The following SLC49A4 variants were observed in gnomAD, a reference collection of about 807,000 sequenced individuals.
SLC49A4 encodes disrupted in renal cancer protein 2.
In SLC49A4, 36 loss-of-function variants were observed where a neutral mutation model predicts 50.6. The ratio of observed to expected loss-of-function variants is 0.71; its 90% CI spans 0.55 to 0.94. The LOEUF is 0.94. Ranked by LOEUF, SLC49A4 falls within the 40% of genes least tolerant of loss-of-function variation. The pLI, the probability that SLC49A4 is intolerant of heterozygous loss-of-function variation, is 0.00. For synonymous variants in SLC49A4, 248 were observed against 241.2 expected (o/e 1.03, Z -0.26); for missense variants, 503 against 605.7 (o/e 0.83, Z 1.78).
chr3:122,795,177 C>T lies in SLC49A4; in HGVS notation c.-16C>T, dbSNP rs1420298106. ...CGGACTGCGCCCGGCAGTGGCTTCG[C>T]GGGCGACGCGTCGCCATGGGCTCTC... On this transcript the variant is annotated 5_prime_UTR_variant, in exon 1 of 9. Coordinates refer to ENST00000261038, the MANE Select transcript of SLC49A4 (RefSeq NM_032839.3). 4.6e-6 allele frequency: 6 copies of T among 1,314,410 alleles called. No homozygotes were observed. The highest frequency in any genetic ancestry group is 4.2e-5 in the Admixed American group (1 of 23,834). 81.4% of individuals were successfully genotyped at this position (1,314,410 alleles called of 1,614,324 possible).
chr3:122,799,828 G>A (rs1227226226), intron 1 of SLC49A4, among the ~76,000 whole-genome samples: 1 of 152,242 alleles, frequency 6.6e-6, no homozygotes, highest in Admixed American at 6.5e-5. Flanking sequence ...GAGATGTGGA[G>A]CGTGAAGGAA....
At chr3:122,813,402 A>G (rs1197552746) in intron 2 of SLC49A4, among the ~76,000 whole-genome samples, 2 of 152,106 alleles carry the variant, frequency 1.3e-5, no homozygotes, top group African/African-American at 4.8e-5. Flanking sequence ...CTTGTTCGGT[A>G]CATCATACAG....
chr3:122,857,485 A>G (rs1937003684), intron 6 of SLC49A4, among the ~76,000 whole-genome samples: 1 of 152,172 alleles, frequency 6.6e-6, no homozygotes, highest in Admixed American at 6.5e-5. Flanking sequence ...GATCAAATAT[A>G]AGATCCACAT....
At chr3:122,876,493 A>G (rs1937269980) in intron 8 of SLC49A4, among the ~76,000 whole-genome samples, 1 of 152,220 alleles carries the variant, frequency 6.6e-6, no homozygotes, top group African/African-American at 2.4e-5. Context: ...ATATCTAAGA[A>G]GCAGAATAAT....
intron 4 of SLC49A4, among the ~76,000 whole-genome samples, chr3:122,841,593 A>G (rs2107572072): frequency 6.6e-6 from 1 of 152,344 alleles, no homozygotes; most frequent in African/African-American, 2.4e-5. Flanking sequence ...TCAAATTTAG[A>G]TTTAAATTAG....
chr3:122,860,686 G>A (rs1451288144), intron 7 of SLC49A4, among the ~76,000 whole-genome samples: 7 of 152,142 alleles, frequency 4.6e-5, no homozygotes. Flanking sequence ...ATTACAGCCA[G>A]CTTACTTAGC....
At chr3:122,833,471 T>G in intron 4 of SLC49A4, 25 bp downstream of exon 4, 1 of 1,592,564 alleles carries the variant, frequency 6.3e-7, no homozygotes, top group Non-Finnish European at 8.6e-7. Flanking sequence ...AGTCACTGGA[T>G]GGCTTTGACT....
At chr3:122,857,284 TAAAAA>T (rs10694942) in intron 6 of SLC49A4, among the ~76,000 whole-genome samples, 13 of 109,382 alleles carry the variant, frequency 1.2e-4, no homozygotes, top group Non-Finnish European at 1.8e-4. Context: ...CCATTCGTTC[TAAAAA>T]AAAAAAAAAA....
intron 2 of SLC49A4, among the ~76,000 whole-genome samples, chr3:122,809,082 G>C (rs967259627): frequency 6.6e-6 from 1 of 152,164 alleles, no homozygotes; most frequent in Non-Finnish European, 1.5e-5. Context: ...ACACAGAAGT[G>C]GGGGAGAGTG....
At chr3:122,875,538 G>A (rs1303671057) in intron 8 of SLC49A4, among the ~76,000 whole-genome samples, 1 of 152,124 alleles carries the variant, frequency 6.6e-6, no homozygotes, top group Non-Finnish European at 1.5e-5. Flanking sequence ...TTTTTGTAGA[G>A]ATGGGGTTCT....
chr3:122,855,868 T>G (rs529857282), intron 5 of SLC49A4, among the ~76,000 whole-genome samples: 2 of 152,342 alleles, frequency 1.3e-5, no homozygotes, highest in South Asian at 4.1e-4. Flanking sequence ...CCAGCTCAAC[T>G]TCTTTTTCTC....
intron 1 of SLC49A4, among the ~76,000 whole-genome samples, chr3:122,803,708 G>A (rs563550278): frequency 1.2e-4 from 19 of 152,292 alleles, no homozygotes; most frequent in African/African-American, 4.3e-4. Context: ...CACTATGGGT[G>A]TGTGGGTTGT....
intron 1 of SLC49A4, among the ~76,000 whole-genome samples, chr3:122,796,897 TAAAC>T (rs1006230262): frequency 4.1e-4 from 62 of 152,092 alleles, no homozygotes; most frequent in African/African-American, 1.4e-3. Context: ...AATTAATACA[TAAAC>T]AAAATATGAA....
At chr3:122,820,996 C>T (rs1049275963) in intron 2 of SLC49A4, among the ~76,000 whole-genome samples, 2 of 152,192 alleles carry the variant, frequency 1.3e-5, no homozygotes, top group African/African-American at 2.4e-5. Context: ...GTAATTGAAT[C>T]GGGGGTGGTT....
chr3:122,795,328 C>G lies in SLC49A4; in HGVS notation c.136C>G (p.Arg46Gly). ...ALPAAVPGPG[R>G]VYGRRWLVLL... Reference sequence around the variant, plus strand: ...GCCCGCGGCGGTCCCGGGTCCCGGGCGGGTATACGGGCGCCGCTGGCTGGT... The same window carrying G: ...GCCCGCGGCGGTCCCGGGTCCCGGGGGGGTATACGGGCGCCGCTGGCTGGT... The change falls in exon 1 of 9, where the codon CGG becomes GGG. Residue 46 changes from arginine to glycine, a missense_variant. Coordinates refer to ENST00000261038, the MANE Select transcript of SLC49A4 (RefSeq NM_032839.3). 1 of 1,518,018 alleles carries G rather than the reference C, an allele frequency of 6.6e-7. No homozygotes were observed. Among genetic ancestry groups the G allele is most frequent in the East Asian group, 2.7e-5 (1 of 37,396 alleles). 94.0% of individuals were successfully genotyped at this position (1,518,018 alleles called of 1,614,324 possible). A position where few individuals can be genotyped will look rare whatever the true frequency, so the allele number is the denominator to read the frequency against.
At chr3:122,859,810 T>C (rs1222168356) in intron 6 of SLC49A4, among the ~76,000 whole-genome samples, 1 of 152,176 alleles carries the variant, frequency 6.6e-6, no homozygotes, top group East Asian at 1.9e-4. Context: ...GGTGAGATCC[T>C]GTCTCTAAAA....
intron 2 of SLC49A4, among the ~76,000 whole-genome samples, chr3:122,816,751 G>GA: frequency 6.6e-6 from 1 of 152,280 alleles, no homozygotes; most frequent in Admixed American, 6.5e-5. Context: ...AGATGACCTT[G>GA]ACAGTATAGT....
Position 122,795,519 on chromosome 3 carries a change from G to C in SLC49A4, c.327G>C (p.Trp109Cys), listed in dbSNP as rs1033396743. ...IGFLPCFAFM[W>C]LLDKRGLRIT... ...TCCTGCCCTGCTTCGCGTTCATGTGGCTCCTGGACAAGAGAGGTGAGGGGT... is the reference window on the plus strand; with the variant it reads ...TCCTGCCCTGCTTCGCGTTCATGTGCCTCCTGGACAAGAGAGGTGAGGGGT... Residue 109 changes from tryptophan (W) to cysteine (C), a missense_variant, in exon 1 of 9, where the codon TGG (tryptophan) becomes TGC (cysteine). Trp to Cys is a radical substitution (Grantham distance 215). Transcript: ENST00000261038. 8 of 1,599,896 alleles carry C rather than the reference G, an allele frequency of 5.0e-6. No homozygotes were observed. The African/African-American group carries it at 5.4e-5, about 11-fold the overall frequency.
intron 2 of SLC49A4, among the ~76,000 whole-genome samples, chr3:122,820,596 A>G (rs898032951): frequency 6.6e-6 from 1 of 152,254 alleles, no homozygotes; most frequent in Non-Finnish European, 1.5e-5. Context: ...TAGATCTTCA[A>G]TTTGAACTTC....
Sources: gnomAD v4.1 joint callset for allele counts (sites outside exome capture counted in the v4.1 genomes callset) on GRCh38, gnomAD v4.1.1 for gene constraint, MANE v1.5 for transcripts, NCBI Gene and HGNC (gene_info 2026-07-23, HGNC 2026-07-21) for gene names.